PCDHGA2: variants seen among roughly 807,000 people sequenced by gnomAD.
PCDHGA2 encodes the protein protocadherin gamma subfamily A, 2, also known as protocadherin gamma-A2.
Under a neutral mutation model 59.2 loss-of-function variants are expected in PCDHGA2, and 40 were observed. That is an observed-to-expected ratio of 0.68 (90% CI 0.52 to 0.88). PCDHGA2 has a LOEUF of 0.88. Ranked by LOEUF, PCDHGA2 falls within the 40% of genes least tolerant of loss-of-function variation. PCDHGA2 has a pLI of 0.00. For missense variants in PCDHGA2, 1,226 were observed against 1,204.0 expected, an observed-to-expected ratio of 1.02 and a Z score of -0.27; for synonymous variants, 560 against 526.0, an observed-to-expected ratio of 1.06 and a Z score of -0.89.
chr5:141,395,127 C>T (rs767438347), intron 1 of PCDHGA2: 2 of 1,614,200 alleles, frequency 1.2e-6, no homozygotes, highest in African/African-American at 1.3e-5. Context: ...GATCTTTCCC[C>T]AGCCCAACTA....
chr5:141,431,163 A>G lies in PCDHGA2; in HGVS notation c.2425-63644A>G. On this transcript the variant is annotated intron_variant, in intron 1 of 3. Transcript: ENST00000394576. This position sits in a 1 kb window ranked among gnomAD's most constrained non-coding sequence, Gnocchi z 4.8. ...AACGACAATGCGCCTTACTTTCGTG[A>G]AAGTGAATTAGAAATAAAAATTAGT... 1 of 1,614,246 alleles carries G rather than the reference A, an allele frequency of 6.2e-7. No individual in the cohort carries two copies. Among genetic ancestry groups the G allele is most frequent in the Non-Finnish European group, 8.5e-7 (1 of 1,180,036 alleles).
Position 141,431,442 on chromosome 5 carries a change from T to G in PCDHGA2, c.2425-63365T>G. 6.2e-7 allele frequency: 1 copy of G among 1,613,746 alleles called. No individual in the cohort carries two copies. The highest frequency in any genetic ancestry group is 1.7e-5 in the Admixed American group (1 of 60,014). The stretch of plus-strand genomic sequence containing the variant: ...CCGGTGCGCACAGGCACCGCGCGCA[T>G]CCGCGTGATGGTTCTGGATGCGAAC... On this transcript the variant is annotated intron_variant, in intron 1 of 3. Coordinates refer to ENST00000394576, the MANE Select transcript of PCDHGA2 (RefSeq NM_018915.4). This position sits in a 1 kb window ranked among gnomAD's most constrained non-coding sequence, Gnocchi z 4.8.
chr5:141,442,751 T>G (rs756672976), intron 1 of PCDHGA2, among the ~76,000 whole-genome samples: 1 of 152,196 alleles, frequency 6.6e-6, no homozygotes, highest in Non-Finnish European at 1.5e-5. Context: ...CATGTTTTGA[T>G]TATATATATT....
At chr5:141,443,683 A>C (rs1358937790) in intron 1 of PCDHGA2, among the ~76,000 whole-genome samples, 1 of 152,248 alleles carries the variant, frequency 6.6e-6, no homozygotes, top group Admixed American at 6.5e-5. Flanking sequence ...GTTTACAAAC[A>C]CTTCAAAAAT....
intron 1 of PCDHGA2, chr5:141,399,478 G>T (rs367753385): frequency 2.0e-5 from 32 of 1,613,894 alleles, no homozygotes; most frequent in Non-Finnish European, 2.6e-5. Context: ...TTTCCACCAG[G>T]CGTCCTACTT....
At chr5:141,378,925 T>C (rs1202116224) in intron 1 of PCDHGA2, 1 of 152,246 alleles carries the variant, frequency 6.6e-6, no homozygotes, top group African/African-American at 2.4e-5. Context: ...CAAAAGTAAG[T>C]TGATGGCCCT....
At chr5:141,359,366 A>C (rs1761188368) in intron 1 of PCDHGA2, among the ~76,000 whole-genome samples, 1 of 152,098 alleles carries the variant, frequency 6.6e-6, no homozygotes, top group Non-Finnish European at 1.5e-5. Context: ...AGGCCTAGGA[A>C]AGCAGTAGAT....
intron 1 of PCDHGA2, chr5:141,415,794 A>C: frequency 7.3e-7 from 1 of 1,366,410 alleles, no homozygotes; most frequent in Non-Finnish European, 9.3e-7. Context: ...AAATTCACCT[A>C]GTCTCAATCA....
Position 141,431,374 on chromosome 5 carries a change from GGCT to G in PCDHGA2, c.2425-63429_2425-63427del, listed in dbSNP as rs752583215. The G allele has an allele frequency of 1.7e-4, 275 of 1,613,980 alleles. No individual in the cohort carries two copies. Among genetic ancestry groups the G allele is most frequent in the Non-Finnish European group, 2.0e-4 (238 of 1,180,036 alleles). On this transcript the variant is annotated intron_variant, in intron 1 of 3. Coordinates refer to ENST00000394576, the MANE Select transcript of PCDHGA2 (RefSeq NM_018915.4). This position sits in a 1 kb window ranked among gnomAD's most constrained non-coding sequence, Gnocchi z 4.8. Reference sequence around the variant, plus strand: ...AACGCGCCCTGGACCGCGAAGAAAAGGCTGCTCACCACCTGGTCCTTACGGCCT... The same window carrying G: ...AACGCGCCCTGGACCGCGAAGAAAAGGCTCACCACCTGGTCCTTACGGCCT...
chr5:141,354,903 T>G, intron 1 of PCDHGA2: 1 of 399,854 alleles, frequency 2.5e-6, no homozygotes, highest in Non-Finnish European at 4.4e-6. Context: ...GAAATAGGAA[T>G]AGAAAAGTGT....
chr5:141,371,120 T>C, intron 1 of PCDHGA2: 1 of 1,613,974 alleles, frequency 6.2e-7, no homozygotes, highest in Non-Finnish European at 8.5e-7. Flanking sequence ...CCCCAGTATT[T>C]ACTCAGGACA....
chr5:141,492,320 G>T (rs1001784912), intron 1 of PCDHGA2, among the ~76,000 whole-genome samples: 1 of 152,206 alleles, frequency 6.6e-6, no homozygotes, highest in Non-Finnish European at 1.5e-5. Context: ...CTCCTCGCAC[G>T]TGGGCTTACG....
At position 141,486,135 on chromosome 5, in the gene PCDHGA2, G is replaced by A. The variant is rs145871538; in HGVS notation, c.2425-8672G>A. ...GAGAATTACTATGAATTTGATGTGC[G>A]GGCTCGCGATGGGGGTTCTCCAGCC... On this transcript the variant is annotated intron_variant, in intron 1 of 3. Transcript: ENST00000394576. This position sits in a 1 kb window ranked among gnomAD's most constrained non-coding sequence, Gnocchi z 5.0. The A allele has an allele frequency of 1.9e-6, 3 of 1,614,168 alleles. No homozygotes were observed. Among genetic ancestry groups the A allele is most frequent in the Non-Finnish European group, 2.5e-6 (3 of 1,180,022 alleles).
chr5:141,416,817 C>T (rs1197915095), intron 1 of PCDHGA2: 1 of 151,958 alleles, frequency 6.6e-6, no homozygotes, highest in Non-Finnish European at 1.5e-5. Flanking sequence ...AAAAAGCATT[C>T]CGAAGTTTCT....
At chr5:141,459,806 A>G (rs2154566682) in intron 1 of PCDHGA2, among the ~76,000 whole-genome samples, 1 of 152,342 alleles carries the variant, frequency 6.6e-6, no homozygotes, top group African/African-American at 2.4e-5. Flanking sequence ...CCTGTTGACT[A>G]GAGACACTGA....
rs2099702455 is a variant in PCDHGA2, at chr5:141,490,641, G to C, written c.2425-4166G>C. 6.2e-7 allele frequency: 1 copy of C among 1,614,042 alleles called. No homozygotes were observed. Among genetic ancestry groups the C allele is most frequent in the Admixed American group, 1.7e-5 (1 of 60,004 alleles). On this transcript the variant is annotated intron_variant, in intron 1 of 3. Coordinates refer to ENST00000394576, the MANE Select transcript of PCDHGA2 (RefSeq NM_018915.4). The surrounding 1 kb of genome is among the most constrained non-coding windows in gnomAD (Gnocchi z 5.4). ...ACACTGCTTACATCCTAGAAAACCG[G>C]CCTCCGGGCTCCCTTCTTTGCACTG...
chr5:141,476,986 C>A lies in PCDHGA2; in HGVS notation c.2425-17821C>A. ...CCTTCGGCAGCCACAACCGCGCCGG[C>A]GTGCGGCAACTATTCGCCTTAGACC... On this transcript the variant is annotated intron_variant, in intron 1 of 3. Transcript: ENST00000394576. The surrounding 1 kb of genome is among the most constrained non-coding windows in gnomAD (Gnocchi z 7.6). 6.2e-7 allele frequency: 1 copy of A among 1,614,218 alleles called. No individual in the cohort carries two copies. The highest frequency in any genetic ancestry group is 8.5e-7 in the Non-Finnish European group (1 of 1,180,042).
intron 1 of PCDHGA2, chr5:141,372,195 A>T: frequency 4.3e-6 from 7 of 1,613,560 alleles, no homozygotes; most frequent in Non-Finnish European, 5.9e-6. Flanking sequence ...CTCGGGATAC[A>T]ACGCCTGGCT....
Position 141,421,718 on chromosome 5 carries a change from G to A in PCDHGA2, c.2425-73089G>A, listed in dbSNP as rs778263773. On this transcript the variant is annotated intron_variant, in intron 1 of 3. Transcript: ENST00000394576. ...CCTAATGCTAGGGATCCAGATGTGGGCGTGAACTCCCTCCAGAGCTACCAG... is the reference window on the plus strand; with the variant it reads ...CCTAATGCTAGGGATCCAGATGTGGACGTGAACTCCCTCCAGAGCTACCAG... 3.1e-6 allele frequency: 5 copies of A among 1,613,848 alleles called. No homozygotes were observed. The highest frequency in any genetic ancestry group is 2.7e-5 in the African/African-American group (2 of 74,938).
Sources: gnomAD v4.1 joint callset for allele counts (sites outside exome capture counted in the v4.1 genomes callset) on GRCh38, gnomAD v4.1.1 for gene constraint, Gnocchi (gnomAD v3.1) non-coding constraint, MANE v1.5 for transcripts, NCBI Gene and HGNC (gene_info 2026-07-23, HGNC 2026-07-21) for gene names.